TTPA: variants seen among roughly 807,000 people sequenced by gnomAD.
The protein encoded by TTPA is alpha-tocopherol transfer protein.
TTPA carries 23 observed loss-of-function variants against 25.9 expected under a neutral mutation model. The observed-to-expected ratio is 0.89, with a 90% CI of 0.64 to 1.26. The LOEUF (loss-of-function observed/expected upper bound fraction) is 1.26. Ranked by LOEUF, TTPA falls within the 50% of genes most tolerant of loss-of-function variation. TTPA has a pLI of 0.00. For missense variants in TTPA, 337 were observed against 353.1 expected, an observed-to-expected ratio of 0.95 and a Z score of 0.37; for synonymous variants, 148 against 137.3, an observed-to-expected ratio of 1.08 and a Z score of -0.54.
intron 1 of TTPA, among the ~76,000 whole-genome samples, chr8:63,079,211 C>A (rs989338078): frequency 6.6e-6 from 1 of 152,156 alleles, no homozygotes; most frequent in African/African-American, 2.4e-5. Flanking sequence ...ACAACTGGTA[C>A]CAGCCACTGC....
At chr8:63,061,537 A>G in intron 4 of TTPA, 112 bp from the exon 5 acceptor site, 3 of 875,432 alleles carry the variant, frequency 3.4e-6, no homozygotes, top group Non-Finnish European at 5.5e-6. Flanking sequence ...GTGTATAAAT[A>G]GATACCACAT....
chr8:63,084,976 T>C (rs988067280), intron 1 of TTPA, among the ~76,000 whole-genome samples: 1 of 152,338 alleles, frequency 6.6e-6, no homozygotes, highest in East Asian at 1.9e-4. Context: ...GCTAGGCAGC[T>C]GTGTGACACT....
rs1171908406 is a variant in TTPA at position 63,085,880 on chromosome 8, T to C, written c.142A>G (p.Thr48Ala). Residue 48 changes from threonine (T) to alanine (A), a missense_variant, in exon 1 of 5, where the codon ACC becomes GCC. Coordinates refer to ENST00000260116, the MANE Select transcript of TTPA (RefSeq NM_000370.3). The stretch of plus-strand genomic sequence containing the variant: ...AGGAACCGCAGCAGGAAGGAGTCGG[T>C]GAGCGGCAGCGGCGCGAGCGGGACG... ...AGVPLAPLPL[T>A]DSFLLRFLRA... 1.3e-6 allele frequency: 2 copies of C among 1,533,040 alleles called. No homozygotes were observed. The highest frequency in any genetic ancestry group is 1.7e-6 in the Non-Finnish European group (2 of 1,144,620). The allele number at this position is 1,533,040 out of a possible 1,614,324, so 95.0% of individuals were successfully genotyped here. A position where few individuals can be genotyped will look rare whatever the true frequency, so the allele number is the denominator to read the frequency against.
chr8:63,086,048 C>A lies in TTPA; in HGVS notation c.-27G>T, dbSNP rs1254324999. 2 of 1,392,896 alleles carry A rather than the reference C, an allele frequency of 1.4e-6. No homozygotes were observed. Among genetic ancestry groups the A allele is most frequent in the Admixed American group, 2.8e-5 (1 of 35,632 alleles). 86.3% of individuals were successfully genotyped at this position (1,392,896 alleles called of 1,614,324 possible). A position where few individuals can be genotyped will look rare whatever the true frequency, so the allele number is the denominator to read the frequency against. ...CCCGCCGCCGCTGCTGCGGCCGCAG[C>A]TACCCGGGCACCCGGGAAAAGCGCG... On this transcript the variant is annotated 5_prime_UTR_variant, in exon 1 of 5. Transcript: ENST00000260116.
chr8:63,075,072 TA>T (rs1322486662), intron 1 of TTPA, among the ~76,000 whole-genome samples: 1 of 152,222 alleles, frequency 6.6e-6, no homozygotes, highest in East Asian at 1.9e-4. Flanking sequence ...CACTGATACA[TA>T]AATTCACAGT....
chr8:63,078,863 G>A (rs1469987699), intron 1 of TTPA, among the ~76,000 whole-genome samples: 1 of 152,110 alleles, frequency 6.6e-6, no homozygotes, highest in African/African-American at 2.4e-5. Context: ...CTCGAGAAGA[G>A]CAACCCCAAG....
intron 1 of TTPA, among the ~76,000 whole-genome samples, chr8:63,079,746 T>C (rs1805631052): frequency 6.6e-6 from 1 of 152,040 alleles, no homozygotes; most frequent in African/African-American, 2.4e-5. Context: ...CCACTGTCAA[T>C]ATTAGACAGA....
intron 1 of TTPA, among the ~76,000 whole-genome samples, chr8:63,084,452 C>T (rs967005158): frequency 2.6e-5 from 4 of 152,146 alleles, no homozygotes; most frequent in African/African-American, 9.7e-5. Flanking sequence ...CAGCAATAAG[C>T]CCTAAGTCCA....
intron 4 of TTPA, among the ~76,000 whole-genome samples, chr8:63,063,887 G>C (rs1805346128): frequency 1.3e-5 from 2 of 151,878 alleles, no homozygotes; most frequent in African/African-American, 4.8e-5. Flanking sequence ...TTTTGTTTAG[G>C]TATAGGTAAT....
rs770691829 is a variant in TTPA at position 63,064,305 on chromosome 8, T to A, written c.564A>T (p.Pro188=). The A allele has an allele frequency of 9.3e-6, 15 of 1,610,202 alleles. No homozygotes were observed. The highest frequency in any genetic ancestry group is 1.3e-5 in the African/African-American group (1 of 74,820). The change falls in exon 4 of 5, where the codon CCA becomes CCT. Residue 188 remains proline (P), a synonymous_variant. Transcript: ENST00000260116. ...TCAAATGGATGCCACGAACTTTCAA[T>A]GGAAATGAATCCTTTTGAAAATAAA... ...KIAAVLTDSF[P]LKVRGIHLIN... is the part of the protein sequence containing the mutation.
intron 1 of TTPA, among the ~76,000 whole-genome samples, chr8:63,078,935 G>A (rs193011690): frequency 2.6e-5 from 4 of 152,324 alleles, no homozygotes; most frequent in East Asian, 3.9e-4. Context: ...GGCAGCCAGA[G>A]AGAAAAGTCG....
At chr8:63,083,184 A>G (rs910011983) in intron 1 of TTPA, among the ~76,000 whole-genome samples, 2 of 152,208 alleles carry the variant, frequency 1.3e-5, no homozygotes, top group Admixed American at 1.3e-4. Flanking sequence ...AGACACATGC[A>G]CACGTATGTT....
At position 63,086,039 on chromosome 8, in the gene TTPA, C is replaced by T. The variant is rs764083716; in HGVS notation, c.-18G>A. On this transcript the variant is annotated 5_prime_UTR_variant, in exon 1 of 5. Coordinates refer to ENST00000260116, the MANE Select transcript of TTPA (RefSeq NM_000370.3). ...TCTGCCATGCCCGCCGCCGCTGCTG[C>T]GGCCGCAGCTACCCGGGCACCCGGG... 140 of 1,401,024 alleles carry T rather than the reference C, an allele frequency of 1.0e-4. No homozygotes were observed. The highest frequency in any genetic ancestry group is 1.2e-4 in the Non-Finnish European group (133 of 1,077,488). The allele number at this position is 1,401,024 out of a possible 1,614,324, so 86.8% of individuals were successfully genotyped here.
chr8:63,085,766 G>A, intron 1 of TTPA, 52 bp downstream of exon 1: 3 of 1,515,568 alleles, frequency 2.0e-6, no homozygotes, highest in Non-Finnish European at 8.8e-7. Flanking sequence ...TGGGGCGGGG[G>A]ACGGGGCGGG....
intron 1 of TTPA, among the ~76,000 whole-genome samples, chr8:63,077,367 C>T (rs1385459018): frequency 6.6e-6 from 1 of 152,158 alleles, no homozygotes; most frequent in African/African-American, 2.4e-5. Flanking sequence ...ATTGCCTCAC[C>T]CAGGAAGTGC....
intron 1 of TTPA, among the ~76,000 whole-genome samples, chr8:63,074,365 C>T (rs1303864283): frequency 6.6e-6 from 1 of 152,214 alleles, no homozygotes; most frequent in Non-Finnish European, 1.5e-5. Flanking sequence ...CCCTCACCCC[C>T]ATCTCTGATT....
intron 2 of TTPA, among the ~76,000 whole-genome samples, chr8:63,066,667 T>G (rs1309647857): frequency 6.6e-6 from 1 of 152,128 alleles, no homozygotes; most frequent in Non-Finnish European, 1.5e-5. Flanking sequence ...GGAGTACCTG[T>G]GCTAAGACAG....
At chr8:63,071,965 T>A (rs1453064548) in intron 2 of TTPA, among the ~76,000 whole-genome samples, 1 of 151,928 alleles carries the variant, frequency 6.6e-6, no homozygotes, top group Non-Finnish European at 1.5e-5. Context: ...TAGCTACACC[T>A]AATAGAAAAA....
Position 63,065,926 on chromosome 8 carries a change from T to C in TTPA, c.530A>G (p.Lys177Arg). 6.2e-7 allele frequency: 1 copy of C among 1,614,128 alleles called. No homozygotes were observed. Among genetic ancestry groups the C allele is most frequent in the Non-Finnish European group, 8.5e-7 (1 of 1,180,000 alleles). The stretch of plus-strand genomic sequence containing the variant: ...TACCGTAAGTACAGCAGCAATCTTC[T>C]TGGCTACGGATGGAGTGATTTGAAA... ...HAFQITPSVAKKIAAVLTDSF... is the reference protein window; with the variant it reads ...HAFQITPSVARKIAAVLTDSF... The change falls in exon 3 of 5, where the codon AAG (lysine) becomes AGG (arginine). Residue 177 changes from lysine to arginine, a missense_variant. Transcript: ENST00000260116.
Sources: gnomAD v4.1 joint callset for allele counts (sites outside exome capture counted in the v4.1 genomes callset) on GRCh38, gnomAD v4.1.1 for gene constraint, MANE v1.5 for transcripts, NCBI Gene and HGNC (gene_info 2026-07-23, HGNC 2026-07-21) for gene names.